Variants in THSD7B observed in about 807,000 individuals in gnomAD.
THSD7B encodes thrombospondin type 1 domain containing 7B.
A neutral mutation model predicts 213.6 loss-of-function variants in THSD7B; 138 were observed. The observed-to-expected ratio is 0.65, with a 90% confidence interval of 0.56 to 0.74. THSD7B has a LOEUF of 0.74. Ranked by LOEUF, THSD7B falls within the 30% of genes least tolerant of loss-of-function variation. The pLI is 0.00. For synonymous variants in THSD7B, 742 were observed against 687.0 expected (o/e 1.08, Z -1.25); for missense variants, 1,931 against 1,991.5 (o/e 0.97, Z 0.58).
At chr2:137,275,882 T>A (rs1255090318) in intron 11 of THSD7B, 41 bp from the exon 12 acceptor site, 2 of 1,466,842 alleles carry the variant, frequency 1.4e-6, no homozygotes, top group Non-Finnish European at 1.9e-6. Context: ...CTCGTGTTGA[T>A]CACAGTAAAG....
intron 12 of THSD7B, among the ~76,000 whole-genome samples, chr2:137,381,296 G>C (rs549199962): frequency 6.6e-6 from 1 of 152,328 alleles, no homozygotes; most frequent in East Asian, 1.9e-4. Context: ...CACCAAGAAA[G>C]AATGAACCTT....
intron 2 of THSD7B, among the ~76,000 whole-genome samples, chr2:136,924,583 C>A (rs1684491024): frequency 6.6e-6 from 1 of 151,836 alleles, no homozygotes; most frequent in African/African-American, 2.4e-5. Flanking sequence ...AATTACTGTA[C>A]CTTTGTAGTA....
intron 16 of THSD7B, among the ~76,000 whole-genome samples, chr2:137,571,702 T>A (rs1681358516): frequency 6.6e-6 from 1 of 152,236 alleles, no homozygotes; most frequent in Non-Finnish European, 1.5e-5. Flanking sequence ...TGTGATTATC[T>A]CATTATTGCC....
intron 12 of THSD7B, among the ~76,000 whole-genome samples, chr2:137,337,940 C>G (rs963619887): frequency 1.3e-5 from 2 of 151,958 alleles, no homozygotes; most frequent in African/African-American, 4.8e-5. Flanking sequence ...AGAGGAAAAC[C>G]ATTATATTCT....
intron 13 of THSD7B, among the ~76,000 whole-genome samples, chr2:137,407,836 A>G (rs1686564343): frequency 6.6e-6 from 1 of 152,042 alleles, no homozygotes; most frequent in Non-Finnish European, 1.5e-5. Flanking sequence ...CAGGTTTTAG[A>G]CTCAATAGTA....
chr2:137,347,195 C>A (rs1299433941), intron 12 of THSD7B, among the ~76,000 whole-genome samples: 1 of 151,640 alleles, frequency 6.6e-6, no homozygotes, highest in Non-Finnish European at 1.5e-5. Flanking sequence ...AAATATTAAT[C>A]AACCTTGACA....
At chr2:137,388,999 T>G (rs1685955569) in intron 12 of THSD7B, among the ~76,000 whole-genome samples, 1 of 151,816 alleles carries the variant, frequency 6.6e-6, no homozygotes, top group Admixed American at 6.6e-5. Flanking sequence ...AACATGGAGG[T>G]GATATACTGA....
At chr2:136,855,820 A>T (rs1252268317) in intron 1 of THSD7B, among the ~76,000 whole-genome samples, 1 of 151,258 alleles carries the variant, frequency 6.6e-6, no homozygotes, top group Non-Finnish European at 1.5e-5. Context: ...TTATGATCCA[A>T]CTCCAAGGAT....
At chr2:137,233,690 A>T (rs1485901331) in intron 9 of THSD7B, among the ~76,000 whole-genome samples, 1 of 152,242 alleles carries the variant, frequency 6.6e-6, no homozygotes, top group Non-Finnish European at 1.5e-5. Flanking sequence ...ATGGGCTTGG[A>T]AACTAGGATA....
chr2:137,042,450 C>T (rs371224780), intron 2 of THSD7B, among the ~76,000 whole-genome samples: 7 of 151,926 alleles, frequency 4.6e-5, no homozygotes, highest in African/African-American at 1.7e-4. Flanking sequence ...AGTTTGTGAC[C>T]CTTTGCACAC....
At chr2:137,073,015 A>G (rs183151563) in intron 3 of THSD7B, among the ~76,000 whole-genome samples, 14,654 of 151,994 alleles carry the variant, frequency 0.096, 961 homozygotes, top group African/African-American at 0.19. Flanking sequence ...CCAGTATTTT[A>G]TTGAGGATTT....
rs758633146 is a variant in THSD7B at position 137,170,759 on chromosome 2, G to A, written c.1544G>A (p.Arg515His). The change falls in exon 7 of 28, where the codon CGC becomes CAC. Residue 515 changes from arginine (R) to histidine (H), a missense_variant. Physicochemically the swap from Arg to His is conservative, Grantham distance 29 (BLOSUM62 0). Transcript: ENST00000409968. ...QGKKGFRTRQ[R>H]HVLMESTGPA... ...TTTTTAGGATTTAGAACGAGGCAGC[G>A]CCATGTCCTCATGGAATCTACAGGG... 3 of 1,613,388 alleles carry A rather than the reference G, an allele frequency of 1.9e-6. No homozygotes were observed. The highest frequency in any genetic ancestry group is 1.7e-6 in the Non-Finnish European group (2 of 1,179,616).
Position 137,610,795 on chromosome 2 carries a change from G to A in THSD7B, c.3424-5380G>A, listed in dbSNP as rs572518844. Among the ~76,000 whole-genome samples, 95 of 151,912 alleles carry A rather than the reference G, an allele frequency of 6.3e-4. 4 individuals are homozygous for A. The South Asian group carries it at 0.019, about 31-fold the overall frequency. ...TGCTTTAGATGTCATATAATTGAAA[G>A]CAAATTATTTTCTAGGTACAAACTT... On this transcript the variant is annotated intron_variant, in intron 17 of 27. Transcript: ENST00000409968.
chr2:137,346,496 C>T (rs980582757), intron 12 of THSD7B, among the ~76,000 whole-genome samples: 2 of 150,662 alleles, frequency 1.3e-5, no homozygotes, highest in Non-Finnish European at 3.0e-5. Context: ...CTCTCTCTCT[C>T]TCCCTCTCCC....
At chr2:137,554,588 A>G (rs1471719539) in intron 15 of THSD7B, among the ~76,000 whole-genome samples, 1 of 152,184 alleles carries the variant, frequency 6.6e-6, no homozygotes, top group Admixed American at 6.5e-5. Flanking sequence ...ATGGCCGAAT[A>G]GGATCAGCTC....
At chr2:136,782,551 G>T (rs1266465207) in intron 1 of THSD7B, among the ~76,000 whole-genome samples, 1 of 152,044 alleles carries the variant, frequency 6.6e-6, no homozygotes, top group Non-Finnish European at 1.5e-5. Context: ...AAATTGCTGC[G>T]TAGCAAAGAT....
At chr2:137,563,382 A>G (rs376105598) in intron 16 of THSD7B, 28 bp downstream of exon 16, 2 of 1,610,264 alleles carry the variant, frequency 1.2e-6, no homozygotes, top group African/African-American at 2.7e-5. Flanking sequence ...GATTTGGGAA[A>G]TAGGGGGAAG....
At chr2:137,259,795 T>C (rs1388566326) in intron 10 of THSD7B, among the ~76,000 whole-genome samples, 1 of 152,210 alleles carries the variant, frequency 6.6e-6, no homozygotes, top group Non-Finnish European at 1.5e-5. Flanking sequence ...TAATTTCTTT[T>C]GTTTGGTTGT....
In THSD7B at chr2:137,642,570, A is replaced by G; in HGVS notation, c.3882A>G (p.Lys1294=). ...RPCPTELTQE[K]TCPVTPCYSW... is the part of the protein sequence containing the mutation. The stretch of plus-strand genomic sequence containing the variant: ...GCCCCACAGAGCTTACCCAGGAGAA[A>G]ACCTGCCCAGTGACCCCCTGCTACA... The change falls in exon 21 of 28, where the codon AAA becomes AAG. Residue 1294 remains lysine, a synonymous_variant. Transcript: ENST00000409968. 1 of 1,613,886 alleles carries G rather than the reference A, an allele frequency of 6.2e-7. No homozygotes were observed.
Sources: allele counts gnomAD v4.1 joint callset (sites outside exome capture counted in the v4.1 genomes callset), GRCh38; gene constraint gnomAD v4.1.1; transcripts MANE v1.5; gene names NCBI Gene and HGNC (gene_info 2026-07-23, HGNC 2026-07-21).